ERBB4: variants seen among roughly 807,000 people sequenced by gnomAD.
The protein encoded by ERBB4 is receptor tyrosine-protein kinase erbB-4.
ERBB4 carries 42 observed loss-of-function variants against 158.0 expected under a neutral mutation model. That is an observed-to-expected ratio of 0.27 (90% confidence interval 0.21 to 0.34). The LOEUF (loss-of-function observed/expected upper bound fraction) is 0.34, where lower values mean the gene tolerates loss of function less well. ERBB4 is among the 10% of genes least tolerant of loss of function. The pLI is 1.00. For synonymous variants in ERBB4, 583 were observed against 558.7 expected (o/e 1.04, Z -0.61); for missense variants, 1,333 against 1,624.1 (o/e 0.82, Z 3.08).
intron 7 of ERBB4, among the ~76,000 whole-genome samples, chr2:211,714,926 T>C (rs1395651068): frequency 6.6e-6 from 1 of 152,086 alleles, no homozygotes; most frequent in Non-Finnish European, 1.5e-5. Flanking sequence ...CTCATACCTA[T>C]GGCTGTGTGG....
rs184609310 is a variant in ERBB4, at chr2:211,616,086, C to A, written c.2301+3091G>T. 1.1e-4 allele frequency among the ~76,000 whole-genome samples: 17 copies of A among 152,178 alleles called. No individual in the cohort carries two copies. The East Asian group carries it at 3.3e-3, about 30-fold the overall frequency. ...GTTATACCAGATGACCCCCACCCAC[C>A]TTTCTTTGCTTGACAGCTTTCTCTT... On this transcript the variant is annotated intron_variant, in intron 19 of 27. Transcript: ENST00000342788.
chr2:212,386,176 T>G (rs985378127), intron 1 of ERBB4, among the ~76,000 whole-genome samples: 11 of 151,744 alleles, frequency 7.2e-5, no homozygotes, highest in African/African-American at 2.7e-4. Context: ...TAGAACTGAG[T>G]GTTTTTTATC....
chr2:211,487,495 G>C (rs535284085), intron 20 of ERBB4, among the ~76,000 whole-genome samples: 14 of 151,936 alleles, frequency 9.2e-5, no homozygotes, highest in African/African-American at 3.4e-4. Flanking sequence ...GCATTATGTA[G>C]ACATACACTC....
chr2:212,317,329 C>T (rs1279054884), intron 1 of ERBB4, among the ~76,000 whole-genome samples: 3 of 151,462 alleles, frequency 2.0e-5, no homozygotes, highest in Non-Finnish European at 4.4e-5. Flanking sequence ...GATATTACAT[C>T]GATTAAAGAA....
At chr2:212,096,926 A>G (rs1439750162) in intron 2 of ERBB4, among the ~76,000 whole-genome samples, 1 of 152,158 alleles carries the variant, frequency 6.6e-6, no homozygotes, top group Non-Finnish European at 1.5e-5. Flanking sequence ...CTCTATTATT[A>G]TTATGTGCAA....
At chr2:211,721,395 A>AT (rs1234813728) in intron 7 of ERBB4, among the ~76,000 whole-genome samples, 1 of 126,340 alleles carries the variant, frequency 7.9e-6, no homozygotes, top group Non-Finnish European at 1.6e-5. Context: ...ATATATAGTG[A>AT]TTTTTTTCAG....
At chr2:211,764,963 G>A (rs1276173686) in intron 4 of ERBB4, among the ~76,000 whole-genome samples, 2 of 152,148 alleles carry the variant, frequency 1.3e-5, no homozygotes, top group Non-Finnish European at 2.9e-5. Context: ...TTAAAAAGAT[G>A]ATTTGGGTCA....
chr2:212,079,651 TATC>T (rs1211169997), intron 2 of ERBB4, among the ~76,000 whole-genome samples: 1 of 152,092 alleles, frequency 6.6e-6, no homozygotes, highest in Admixed American at 6.6e-5. Flanking sequence ...ACCAAATAAA[TATC>T]ATCATAGATG....
intron 20 of ERBB4, among the ~76,000 whole-genome samples, chr2:211,533,188 T>A (rs1408436058): frequency 1.3e-5 from 2 of 151,930 alleles, no homozygotes; most frequent in East Asian, 3.9e-4. Context: ...TTTTTAATTG[T>A]TCCACAAAAT....
chr2:212,136,617 T>C (rs563668508), intron 1 of ERBB4, among the ~76,000 whole-genome samples: 7 of 152,326 alleles, frequency 4.6e-5, no homozygotes, highest in African/African-American at 1.7e-4. Flanking sequence ...TTTATCCCCA[T>C]CTGTTCCCTA....
chr2:211,695,161 T>C lies in ERBB4; in HGVS notation c.1489+6806A>G, dbSNP rs146065893. Among the ~76,000 whole-genome samples the C allele has an allele frequency of 2.3e-3, 357 of 152,310 alleles. 3 individuals are homozygous for C. Among genetic ancestry groups the C allele is most frequent in the South Asian group, 0.018 (88 of 4,830 alleles). On this transcript the variant is annotated intron_variant, in intron 12 of 27. Transcript: ENST00000342788. Reference sequence around the variant, plus strand: ...CACTGTTTTATTCTCCACTGTGTGATATACCTTCCATTCCCTACTTATTAA... The same window carrying C: ...CACTGTTTTATTCTCCACTGTGTGACATACCTTCCATTCCCTACTTATTAA...
intron 1 of ERBB4, among the ~76,000 whole-genome samples, chr2:212,171,876 T>A (rs953361290): frequency 5.9e-5 from 9 of 152,092 alleles, no homozygotes; most frequent in Admixed American, 2.0e-4. Flanking sequence ...ATACAATGAT[T>A]AAGTCACCAA....
At chr2:211,847,768 T>C (rs916095217) in intron 3 of ERBB4, among the ~76,000 whole-genome samples, 3 of 152,162 alleles carry the variant, frequency 2.0e-5, no homozygotes, top group Non-Finnish European at 4.4e-5. Context: ...TCACTTCTAT[T>C]ACCAGTAGTG....
intron 1 of ERBB4, among the ~76,000 whole-genome samples, chr2:212,448,231 T>C (rs984198417): frequency 1.3e-5 from 2 of 152,286 alleles, no homozygotes; most frequent in South Asian, 4.1e-4. Context: ...CAAATCTAAA[T>C]CTTTGTCCCT....
rs75690103 is a variant in ERBB4 at position 212,103,016 on chromosome 2, T to A, written c.234+21736A>T. Among the ~76,000 whole-genome samples the A allele has an allele frequency of 8.7e-3, 1,324 of 152,240 alleles. 15 individuals are homozygous for A. The highest frequency in any genetic ancestry group is 0.03 in the African/African-American group (1,253 of 41,564). ...CTATACTCCATTTTCCACGCAGCAA[T>A]GTTATATCTGTCTCTGTCCATCTCT... is the stretch of plus-strand genomic sequence containing the variant. On this transcript the variant is annotated intron_variant, in intron 2 of 27. Transcript: ENST00000342788.
chr2:212,191,334 A>AT (rs947518752), intron 1 of ERBB4, among the ~76,000 whole-genome samples: 15 of 151,632 alleles, frequency 9.9e-5, no homozygotes, highest in East Asian at 1.9e-4. Flanking sequence ...CGAATCATCC[A>AT]TTTTTTTTAA....
intron 12 of ERBB4, among the ~76,000 whole-genome samples, chr2:211,682,333 G>C (rs13019022): frequency 0.41 from 62,744 of 151,920 alleles, 14,160 homozygotes; most frequent in East Asian, 0.9. Flanking sequence ...CAAGCAGAGA[G>C]AGTGAATTCT....
At chr2:212,087,056 G>T (rs545466042) in intron 2 of ERBB4, among the ~76,000 whole-genome samples, 10 of 152,022 alleles carry the variant, frequency 6.6e-5, no homozygotes, top group African/African-American at 2.2e-4. Context: ...CTGCTTCGGT[G>T]ATGCAGAGAA....
chr2:211,679,364 C>G (rs1270437590), intron 12 of ERBB4, among the ~76,000 whole-genome samples, 180 bp from the exon 13 acceptor site: 1 of 152,164 alleles, frequency 6.6e-6, no homozygotes. Context: ...ATTGCAGAGT[C>G]CTAGTAGCTG....
Sources: gnomAD v4.1 joint callset for allele counts (sites outside exome capture counted in the v4.1 genomes callset) on GRCh38, gnomAD v4.1.1 for gene constraint, MANE v1.5 for transcripts, NCBI Gene and HGNC (gene_info 2026-07-23, HGNC 2026-07-21) for gene names.